FAM13B: variants seen among roughly 807,000 people sequenced by gnomAD.
FAM13B encodes protein FAM13B.
A neutral mutation model predicts 117.3 loss-of-function variants in FAM13B; 60 were observed. That is an observed-to-expected ratio of 0.51 (90% confidence interval 0.42 to 0.63). FAM13B has a LOEUF of 0.63. FAM13B is among the 30% of genes least tolerant of loss of function. The pLI, the probability that FAM13B is intolerant of heterozygous loss-of-function variation, is 0.00. For missense variants in FAM13B, 972 were observed against 1,091.9 expected, an observed-to-expected ratio of 0.89 and a Z score of 1.55; for synonymous variants, 332 against 356.1, an observed-to-expected ratio of 0.93 and a Z score of 0.76.
chr5:137,962,125 C>T (rs1768296852), intron 11 of FAM13B, among the ~76,000 whole-genome samples: 1 of 152,116 alleles, frequency 6.6e-6, no homozygotes, highest in Non-Finnish European at 1.5e-5. Context: ...CAGTAAATTC[C>T]CAATTGTTCC....
intron 1 of FAM13B, among the ~76,000 whole-genome samples, chr5:138,047,369 G>A (rs1366443312): frequency 2.0e-5 from 3 of 151,910 alleles, no homozygotes; most frequent in East Asian, 3.9e-4. Context: ...AGTAGGGCGT[G>A]GTAGCACACG....
chr5:138,017,260 A>G (rs552970425), intron 4 of FAM13B, among the ~76,000 whole-genome samples: 1 of 152,336 alleles, frequency 6.6e-6, no homozygotes, highest in East Asian at 1.9e-4. Context: ...TGACCTTTAT[A>G]CATAAATCAA....
chr5:137,964,689 C>T (rs769011500), intron 10 of FAM13B, among the ~76,000 whole-genome samples: 7 of 152,214 alleles, frequency 4.6e-5, no homozygotes, highest in East Asian at 2.0e-4. Context: ...CCACTGCACT[C>T]CAGTCTGGGT....
chr5:137,974,175 A>G (rs1004288557), intron 10 of FAM13B, among the ~76,000 whole-genome samples: 4 of 150,714 alleles, frequency 2.7e-5, no homozygotes, highest in Non-Finnish European at 3.0e-5. Flanking sequence ...TTGCAGCATT[A>G]TTCACAATAG....
At chr5:137,959,973 T>G (rs1054501962) in intron 12 of FAM13B, among the ~76,000 whole-genome samples, 193 bp downstream of exon 12, 2 of 152,190 alleles carry the variant, frequency 1.3e-5, no homozygotes, top group Non-Finnish European at 2.9e-5. Context: ...GATCCCAAAT[T>G]CAGGAAAGTG....
chr5:138,018,211 ATACT>A (rs1262528455), intron 4 of FAM13B, 87 bp downstream of exon 4: 94 of 1,045,550 alleles, frequency 9.0e-5, no homozygotes, highest in Non-Finnish European at 1.3e-4. Flanking sequence ...CTAAAATACT[ATACT>A]TACTGTTTAC....
At chr5:138,019,274 C>T (rs1238501913) in intron 2 of FAM13B, 128 bp from the exon 3 acceptor site, 3 of 749,916 alleles carry the variant, frequency 4.0e-6, no homozygotes, top group Non-Finnish European at 6.3e-6. Flanking sequence ...AGTTAGCAGG[C>T]CCATAGTGTG....
chr5:137,952,101 T>C (rs953277778), intron 17 of FAM13B, among the ~76,000 whole-genome samples: 10 of 152,206 alleles, frequency 6.6e-5, no homozygotes, highest in African/African-American at 2.4e-4. Context: ...AAACACATAC[T>C]CACTAAACAT....
intron 23 of FAM13B, 154 bp from the exon 24 acceptor site, chr5:137,940,502 C>T: frequency 1.7e-6 from 1 of 583,328 alleles, no homozygotes; most frequent in East Asian, 2.9e-5. Context: ...GAACTAATAC[C>T]CTCATCCCCA....
intron 4 of FAM13B, among the ~76,000 whole-genome samples, chr5:138,016,003 T>G (rs1249906688): frequency 6.6e-6 from 1 of 152,256 alleles, no homozygotes; most frequent in Non-Finnish European, 1.5e-5. Flanking sequence ...TAAGCATTTT[T>G]GCTTTTTTTT....
rs557720426 is a variant in FAM13B, at chr5:137,986,613, A to T, written c.1046+848T>A. On this transcript the variant is annotated intron_variant, in intron 9 of 23. Transcript: ENST00000689681. ...ACATCATGCATTATAAGTACTTTTAACTAATACACATTTAAATACAGGTTG... is the reference window on the plus strand; with the variant it reads ...ACATCATGCATTATAAGTACTTTTATCTAATACACATTTAAATACAGGTTG... Among the ~76,000 whole-genome samples the T allele has an allele frequency of 1.2e-4, 19 of 152,336 alleles. No individual in the cohort carries two copies. The South Asian group carries it at 3.3e-3, about 27-fold the overall frequency.
intron 1 of FAM13B, among the ~76,000 whole-genome samples, chr5:138,028,808 C>G (rs1789121840): frequency 1.3e-5 from 2 of 152,320 alleles, no homozygotes; most frequent in Non-Finnish European, 1.5e-5. Context: ...CACCTGAGGT[C>G]AGGAGTTTGA....
intron 10 of FAM13B, among the ~76,000 whole-genome samples, chr5:137,970,850 A>G (rs1226428391): frequency 3.9e-5 from 6 of 152,130 alleles, no homozygotes; most frequent in African/African-American, 1.4e-4. Context: ...AACAAAGATC[A>G]AAAGAGACAA....
At chr5:138,038,306 C>A (rs1791350718) in intron 1 of FAM13B, among the ~76,000 whole-genome samples, 1 of 152,114 alleles carries the variant, frequency 6.6e-6, no homozygotes, top group Non-Finnish European at 1.5e-5. Flanking sequence ...ATTTACACTG[C>A]CCATTTGTAG....
At chr5:137,962,311 T>C (rs1318370641) in intron 11 of FAM13B, 94 bp downstream of exon 11, 9 of 960,102 alleles carry the variant, frequency 9.4e-6, no homozygotes, top group African/African-American at 6.7e-5. Context: ...ACTATATATT[T>C]ATAATGGACA....
intron 18 of FAM13B, among the ~76,000 whole-genome samples, chr5:137,948,125 C>A (rs939297060): frequency 2.0e-5 from 3 of 151,564 alleles, no homozygotes; most frequent in Non-Finnish European, 2.9e-5. Flanking sequence ...TTGCCAAGTG[C>A]TTTGATCAGG....
intron 10 of FAM13B, among the ~76,000 whole-genome samples, chr5:137,982,604 A>C (rs1482881090): frequency 6.6e-6 from 1 of 152,170 alleles, no homozygotes; most frequent in Non-Finnish European, 1.5e-5. Flanking sequence ...CTTATCTCTG[A>C]ATACACAGGG....
chr5:138,029,620 C>A (rs201509429), intron 1 of FAM13B, among the ~76,000 whole-genome samples: 10 of 152,166 alleles, frequency 6.6e-5, no homozygotes, highest in Non-Finnish European at 1.5e-4. Context: ...CTAAATCCAA[C>A]GTGACCAGTG....
chr5:138,027,506 A>C (rs1402781139), intron 1 of FAM13B, among the ~76,000 whole-genome samples: 6 of 152,202 alleles, frequency 3.9e-5, no homozygotes, highest in Admixed American at 2.6e-4. Context: ...TAATTCACTG[A>C]AGCAAAAGGC....
Sources: gnomAD v4.1 joint callset for allele counts (sites outside exome capture counted in the v4.1 genomes callset) on GRCh38, gnomAD v4.1.1 for gene constraint, MANE v1.5 for transcripts, NCBI Gene and HGNC (gene_info 2026-07-23, HGNC 2026-07-21) for gene names.